The following PRDM5 variants were observed in gnomAD, a reference collection of about 807,000 sequenced individuals.
PRDM5 encodes PR/SET domain 5, also known as PR domain zinc finger protein 5.
PRDM5 carries 56 observed loss-of-function variants against 81.2 expected under a neutral mutation model. That is an observed-to-expected ratio of 0.69 (90% CI 0.56 to 0.86). The LOEUF (loss-of-function observed/expected upper bound fraction) is 0.86, where lower values mean the gene tolerates loss of function less well. Ranked by LOEUF, PRDM5 falls within the 40% of genes least tolerant of loss-of-function variation. The pLI is 0.00. For missense variants in PRDM5, 697 were observed against 770.1 expected, an observed-to-expected ratio of 0.91 and a Z score of 1.12; for synonymous variants, 267 against 256.4, an observed-to-expected ratio of 1.04 and a Z score of -0.39.
At chr4:120,922,466 A>C in intron 1 of PRDM5, 50 bp downstream of exon 1, 1 of 1,441,044 alleles carries the variant, frequency 6.9e-7, no homozygotes, top group Admixed American at 2.4e-5. Flanking sequence ...TCCGGGAGGC[A>C]CAGGGCGCGC....
At chr4:120,808,030 C>A (rs1226929910) in intron 8 of PRDM5, among the ~76,000 whole-genome samples, 1 of 152,172 alleles carries the variant, frequency 6.6e-6, no homozygotes, top group Non-Finnish European at 1.5e-5. Flanking sequence ...AGCTGCAGAC[C>A]TTTGCAGTGA....
In PRDM5 at chr4:120,866,310, C is replaced by T. The variant is rs571762527; in HGVS notation, c.178-12770G>A. Among the ~76,000 whole-genome samples, 8 of 152,340 alleles carry T rather than the reference C, an allele frequency of 5.3e-5. No individual in the cohort carries two copies. In the South Asian group the frequency reaches 1.7e-3, roughly 32 times the overall value. ...CACACTTTCATCTGAGAGATTCTCA[C>T]ATGAGTCAGATTCCATAAGGATGAA... On this transcript the variant is annotated intron_variant, in intron 2 of 15. Coordinates refer to ENST00000264808, the MANE Select transcript of PRDM5 (RefSeq NM_018699.4).
chr4:120,721,502 G>A (rs1314518491), intron 14 of PRDM5, among the ~76,000 whole-genome samples: 1 of 152,136 alleles, frequency 6.6e-6, no homozygotes. Flanking sequence ...AACAGCATCA[G>A]TAAGAACTCC....
intron 13 of PRDM5, among the ~76,000 whole-genome samples, chr4:120,758,430 T>C (rs147213072): frequency 6.6e-6 from 1 of 152,292 alleles, no homozygotes; most frequent in Non-Finnish European, 1.5e-5. Context: ...ACTGGGTTGT[T>C]GCAAACGTTA....
intron 13 of PRDM5, among the ~76,000 whole-genome samples, chr4:120,763,179 G>T (rs1345094821): frequency 6.6e-6 from 1 of 151,978 alleles, no homozygotes; most frequent in Non-Finnish European, 1.5e-5. Context: ...TGGGAAGAAG[G>T]AAAAAAACAG....
chr4:120,915,577 A>C (rs1724049513), intron 1 of PRDM5, among the ~76,000 whole-genome samples: 2 of 152,194 alleles, frequency 1.3e-5, no homozygotes, highest in African/African-American at 4.8e-5. Flanking sequence ...TTCTCATATC[A>C]GAAGAAAGCC....
chr4:120,850,457 C>G (rs1759130609), intron 3 of PRDM5, among the ~76,000 whole-genome samples: 2 of 152,106 alleles, frequency 1.3e-5, no homozygotes, highest in Non-Finnish European at 2.9e-5. Context: ...CTCAGCAATC[C>G]TCTACTCCAG....
intron 2 of PRDM5, among the ~76,000 whole-genome samples, chr4:120,892,937 G>A (rs762672186): frequency 5.3e-5 from 8 of 152,208 alleles, no homozygotes; most frequent in Non-Finnish European, 7.3e-5. Context: ...GGACCACTGG[G>A]CCAGAAGTTG....
intron 3 of PRDM5, chr4:120,838,592 G>C (rs1232058542): frequency 6.6e-6 from 1 of 152,258 alleles, no homozygotes; most frequent in African/African-American, 2.4e-5. Context: ...GCTGGGGATG[G>C]TTTTGGGATA....
intron 2 of PRDM5, among the ~76,000 whole-genome samples, chr4:120,856,097 C>G (rs1261863228): frequency 1.3e-5 from 2 of 152,150 alleles, no homozygotes; most frequent in African/African-American, 2.4e-5. Context: ...GGCCCTTTAG[C>G]CCCAACTATG....
At chr4:120,713,734 T>C (rs1369302294) in intron 14 of PRDM5, among the ~76,000 whole-genome samples, 1 of 152,218 alleles carries the variant, frequency 6.6e-6, no homozygotes, top group East Asian at 1.9e-4. Flanking sequence ...ATTTATATCT[T>C]GATTTTTAAT....
At chr4:120,909,217 T>C (rs533631774) in intron 1 of PRDM5, among the ~76,000 whole-genome samples, 6 of 152,132 alleles carry the variant, frequency 3.9e-5, no homozygotes, top group African/African-American at 1.4e-4. Flanking sequence ...TCAGGCAACA[T>C]CCACTTCACC....
In PRDM5 at chr4:120,693,810, C is replaced by T. The variant is rs1396488793; in HGVS notation, c.*1301G>A. 6.6e-6 allele frequency: 1 copy of T among 151,876 alleles called. No homozygotes were observed. The highest frequency in any genetic ancestry group is 1.5e-5 in the Non-Finnish European group (1 of 68,000). 9.4% of individuals were successfully genotyped at this position (151,876 alleles called of 1,614,324 possible). A position where few individuals can be genotyped will look rare whatever the true frequency, so the allele number is the denominator to read the frequency against. On this transcript the variant is annotated 3_prime_UTR_variant, in exon 16 of 16. Coordinates refer to ENST00000264808, the MANE Select transcript of PRDM5 (RefSeq NM_018699.4). ...GTTCATGAGTTGGGCTTCATTTTAA[C>T]GTTTTTCTGGTTTTTGGATATTCCT...
intron 15 of PRDM5, among the ~76,000 whole-genome samples, chr4:120,699,806 T>G (rs1226003907): frequency 6.6e-6 from 1 of 152,106 alleles, no homozygotes; most frequent in Admixed American, 6.6e-5. Flanking sequence ...GCTTAGAGAT[T>G]GGAAGAATCA....
chr4:120,896,020 C>T (rs568744162), intron 2 of PRDM5: 2 of 151,904 alleles, frequency 1.3e-5, no homozygotes, highest in Admixed American at 1.3e-4. Context: ...TGTGGCAAGA[C>T]ACTGTCTCTA....
chr4:120,752,174 T>C (rs1744098795), intron 14 of PRDM5, among the ~76,000 whole-genome samples: 1 of 152,238 alleles, frequency 6.6e-6, no homozygotes, highest in East Asian at 1.9e-4. Flanking sequence ...AGTTTGATTG[T>C]ACTAGCTGAT....
chr4:120,798,460 AT>A (rs774848988), intron 9 of PRDM5, 36 bp from the exon 10 acceptor site: 8 of 1,545,686 alleles, frequency 5.2e-6, no homozygotes, highest in Non-Finnish European at 6.2e-6. Context: ...TCTCATATCT[AT>A]ATAAAGGTAA....
chr4:120,774,677 C>A (rs1170050040), intron 13 of PRDM5, among the ~76,000 whole-genome samples: 1 of 152,152 alleles, frequency 6.6e-6, no homozygotes, highest in East Asian at 1.9e-4. Context: ...CCCAGCCACA[C>A]TGCTAGACAG....
At chr4:120,906,318 C>T (rs1442125682) in intron 2 of PRDM5, among the ~76,000 whole-genome samples, 1 of 152,142 alleles carries the variant, frequency 6.6e-6, no homozygotes, top group Non-Finnish European at 1.5e-5. Flanking sequence ...TTCCAATTGC[C>T]TCCATTACTC....
Sources: gnomAD v4.1 joint callset for allele counts (sites outside exome capture counted in the v4.1 genomes callset) on GRCh38, gnomAD v4.1.1 for gene constraint, MANE v1.5 for transcripts, NCBI Gene and HGNC (gene_info 2026-07-23, HGNC 2026-07-21) for gene names.